DMD: variants seen among roughly 807,000 people sequenced by gnomAD.
DMD encodes dystrophin.
DMD carries 63 observed loss-of-function variants against 330.1 expected under a neutral mutation model. The observed-to-expected ratio is 0.19, with a 90% CI of 0.16 to 0.24. The LOEUF (loss-of-function observed/expected upper bound fraction) is 0.24. DMD is among the 10% of genes least tolerant of loss of function. The pLI is 1.00. For synonymous variants in DMD, 1,223 were observed against 959.8 expected (o/e 1.27, Z -5.07); for missense variants, 3,344 against 2,684.1 (o/e 1.25, Z -5.43).
chrX:32,187,824 G>T (rs140093309), intron 44 of DMD, among the ~76,000 whole-genome samples: 1,790 of 110,538 alleles, frequency 0.016, 40 homozygotes, highest in African/African-American at 0.056. Flanking sequence ...CTGGAGAAAA[G>T]ATGGGAAAAC....
intron 60 of DMD, among the ~76,000 whole-genome samples, chrX:31,376,221 C>A (rs2059876860): frequency 8.9e-6 from 1 of 112,157 alleles, no homozygotes; most frequent in African/African-American, 3.2e-5. Flanking sequence ...AAATCACCAC[C>A]ATAACCTTTC....
chrX:32,764,812 T>C (rs974759806), intron 7 of DMD, among the ~76,000 whole-genome samples: 2 of 111,518 alleles, frequency 1.8e-5, no homozygotes, highest in African/African-American at 6.5e-5. Context: ...AGAAGTGGAA[T>C]TGCTGGATCA....
At chrX:33,289,532 A>T (rs1334054946) in intron 1 of DMD, among the ~76,000 whole-genome samples, 1 of 111,664 alleles carries the variant, frequency 9.0e-6, no homozygotes, top group Non-Finnish European at 1.9e-5. Context: ...ACAATAAGAA[A>T]ATTCTTTTAG....
intron 2 of DMD, among the ~76,000 whole-genome samples, chrX:32,949,322 TTAGATAGGTAGGTAGGTAGGTAGA>T (rs2091047521): frequency 1.1e-5 from 1 of 92,180 alleles, no homozygotes; most frequent in Non-Finnish European, 2.3e-5. Flanking sequence ...GATAGATAGA[TTAGATAGGTAGGTAGGTAGGTAGA>T]TAGATAGATA....
chrX:32,520,393 T>A (rs1400049779), intron 17 of DMD, among the ~76,000 whole-genome samples: 3 of 112,247 alleles, frequency 2.7e-5, no homozygotes, highest in Non-Finnish European at 5.6e-5. Flanking sequence ...CATAATGTCT[T>A]AAAACATTTT....
At chrX:32,671,382 GAGAC>G (rs2061626089) in intron 9 of DMD, among the ~76,000 whole-genome samples, 2 of 110,919 alleles carry the variant, frequency 1.8e-5, no homozygotes, top group East Asian at 2.8e-4. Flanking sequence ...CTGAGAAAAA[GAGAC>G]AGAGTTCACC....
chrX:33,050,532 C>A (rs761741448), intron 1 of DMD, among the ~76,000 whole-genome samples: 1 of 111,733 alleles, frequency 8.9e-6, no homozygotes, highest in Non-Finnish European at 1.9e-5. Flanking sequence ...CATTTTGAGA[C>A]GTCCAGGTCA....
chrX:32,118,271 C>G (rs965802494), intron 44 of DMD, among the ~76,000 whole-genome samples: 1 of 111,882 alleles, frequency 8.9e-6, no homozygotes, highest in African/African-American at 3.3e-5. Flanking sequence ...ATAGCTTTCC[C>G]AAAACCCTGT....
At chrX:32,350,633 T>C (rs2097778344) in intron 37 of DMD, among the ~76,000 whole-genome samples, 1 of 111,074 alleles carries the variant, frequency 9.0e-6, no homozygotes, top group African/African-American at 3.3e-5. Flanking sequence ...AGATGTAAAA[T>C]CTCCTTTCAG....
chrX:31,361,970 C>G (rs2058963817), intron 60 of DMD, among the ~76,000 whole-genome samples: 1 of 111,495 alleles, frequency 9.0e-6, no homozygotes, highest in Middle Eastern at 4.6e-3. Context: ...GGGGTTTCAC[C>G]CTGTTGGCCA....
chrX:32,436,134 GAC>G (rs1300332550), intron 29 of DMD, among the ~76,000 whole-genome samples: 3 of 112,248 alleles, frequency 2.7e-5, no homozygotes, highest in Non-Finnish European at 5.6e-5. Context: ...ATGGGAGGCA[GAC>G]ACACACTTTC....
At chrX:33,220,806 T>G (rs888204843) in intron 1 of DMD, among the ~76,000 whole-genome samples, 3 of 111,693 alleles carry the variant, frequency 2.7e-5, no homozygotes, top group African/African-American at 9.8e-5. Flanking sequence ...CTCCCACTCA[T>G]AGATGGGTCT....
At chrX:32,667,734 C>T (rs765396769) in intron 9 of DMD, among the ~76,000 whole-genome samples, 28 of 106,082 alleles carry the variant, frequency 2.6e-4, no homozygotes, top group African/African-American at 9.0e-4. Context: ...GCTACACCTT[C>T]GCTTAAAAGT....
At chrX:31,441,830 T>G (rs887555552) in intron 60 of DMD, among the ~76,000 whole-genome samples, 5 of 112,143 alleles carry the variant, frequency 4.5e-5, no homozygotes, top group Non-Finnish European at 9.4e-5. Context: ...TTCTTCTCTT[T>G]CTGAACAAGG....
intron 2 of DMD, among the ~76,000 whole-genome samples, chrX:32,896,780 T>C (rs1478923229): frequency 8.9e-6 from 1 of 112,661 alleles, no homozygotes; most frequent in Non-Finnish European, 1.9e-5. Context: ...GAAAAGTGTC[T>C]TTGCCACATT....
At chrX:32,940,016 T>TG (rs1474520066) in intron 2 of DMD, among the ~76,000 whole-genome samples, 1 of 111,381 alleles carries the variant, frequency 9.0e-6, no homozygotes, top group Non-Finnish European at 1.9e-5. Flanking sequence ...TTCACAGAAC[T>TG]GGAAAAAAGC....
At chrX:33,255,409 G>C (rs990673333) in intron 1 of DMD, among the ~76,000 whole-genome samples, 1 of 110,732 alleles carries the variant, frequency 9.0e-6, no homozygotes, top group Non-Finnish European at 1.9e-5. Flanking sequence ...TTATAGGAAA[G>C]GTACTCCAGA....
At chrX:31,970,011 C>T (rs975481613) in intron 44 of DMD, among the ~76,000 whole-genome samples, 11 of 111,761 alleles carry the variant, frequency 9.8e-5, no homozygotes, top group African/African-American at 3.6e-4. Flanking sequence ...AGACACCAGT[C>T]ATAACAAACT....
Position 32,484,946 on chromosome X carries a change from G to T in DMD, c.2776C>A (p.Gln926Lys), listed in dbSNP as rs1055371114. 8 of 1,211,289 alleles carry T rather than the reference G, an allele frequency of 6.6e-6. No homozygotes were observed. Among genetic ancestry groups the T allele is most frequent in the Non-Finnish European group, 1.1e-6 (1 of 895,277 alleles). Residue 926 changes from glutamine to lysine, a missense_variant, in exon 21 of 79, where the codon CAG becomes AAG. Physicochemically the swap from Gln to Lys is moderately conservative, Grantham distance 53. Coordinates refer to ENST00000357033, the MANE Select transcript of DMD (RefSeq NM_004006.3). Reference protein sequence around the residue: ...NHFKQVFSDVQAREKELQTIF... With the variant: ...NHFKQVFSDVKAREKELQTIF... ...GTCTGTAGCTCTTTCTCTCTGGCCT[G>T]CACATCAGAAAAGACTTGCTTAAAA...
Sources: gnomAD v4.1 joint callset for allele counts (sites outside exome capture counted in the v4.1 genomes callset) on GRCh38, gnomAD v4.1.1 for gene constraint, MANE v1.5 for transcripts, NCBI Gene and HGNC (gene_info 2026-07-23, HGNC 2026-07-21) for gene names.